The following FER variants were observed in gnomAD, a reference collection of about 807,000 sequenced individuals.
FER encodes the protein tyrosine-protein kinase Fer.
In FER, 63 loss-of-function variants were observed where a neutral mutation model predicts 111.0. That is an observed-to-expected ratio of 0.57 (90% CI 0.46 to 0.70). The LOEUF (loss-of-function observed/expected upper bound fraction) is 0.70, where lower values mean the gene tolerates loss of function less well. FER is among the 30% of genes least tolerant of loss of function. FER has a pLI of 0.00. For missense variants in FER, 914 were observed against 954.0 expected, an observed-to-expected ratio of 0.96 and a Z score of 0.55; for synonymous variants, 327 against 313.9, an observed-to-expected ratio of 1.04 and a Z score of -0.44.
At chr5:109,067,567 AT>A (rs1480414156) in intron 16 of FER, among the ~76,000 whole-genome samples, 1 of 151,688 alleles carries the variant, frequency 6.6e-6, no homozygotes, top group Non-Finnish European at 1.5e-5. Context: ...TCTTGGAGTT[AT>A]TTACATCAGT....
At chr5:108,766,411 T>C (rs537809291) in intron 1 of FER, among the ~76,000 whole-genome samples, 34 of 152,378 alleles carry the variant, frequency 2.2e-4, no homozygotes, top group Middle Eastern at 3.4e-3. Context: ...CCAGGTACTA[T>C]GCAAGTGGCT....
intron 13 of FER, among the ~76,000 whole-genome samples, chr5:109,019,915 G>A (rs889581682): frequency 3.3e-5 from 5 of 151,792 alleles, no homozygotes; most frequent in Non-Finnish European, 5.9e-5. Flanking sequence ...AAATCACCTT[G>A]TAGAAAAAAA....
At chr5:109,082,714 A>G (rs1777131698) in intron 16 of FER, among the ~76,000 whole-genome samples, 1 of 152,038 alleles carries the variant, frequency 6.6e-6, no homozygotes, top group Non-Finnish European at 1.5e-5. Context: ...TACTACCAAA[A>G]TAATTCCATG....
intron 16 of FER, chr5:109,052,080 G>A: frequency 6.2e-7 from 1 of 1,603,190 alleles, no homozygotes. Context: ...TCTGCTTCAA[G>A]TGCATCTCCA....
Position 108,968,019 on chromosome 5 carries a change from C to T in FER, c.1656+8672C>T, listed in dbSNP as rs1257724357. Among the ~76,000 whole-genome samples the T allele has an allele frequency of 2.0e-5, 3 of 152,202 alleles. No homozygotes were observed. In the East Asian group the frequency reaches 5.8e-4, roughly 29 times the overall value. On this transcript the variant is annotated intron_variant, in intron 13 of 19. Transcript: ENST00000281092. The stretch of plus-strand genomic sequence containing the variant: ...TATCACATAGATTGTGGAGAAATCA[C>T]ATAATAATAAAGTTAAGAGAAGATA...
chr5:109,100,268 T>A, intron 16 of FER, 128 bp from the exon 17 acceptor site: 1 of 1,052,928 alleles, frequency 9.5e-7, no homozygotes. Context: ...TCAAACAAAT[T>A]GGGCAAAAAG....
At chr5:108,961,099 T>C (rs1420676876) in intron 13 of FER, among the ~76,000 whole-genome samples, 1 of 148,908 alleles carries the variant, frequency 6.7e-6, no homozygotes, top group Non-Finnish European at 1.5e-5. Flanking sequence ...AAATAAAGTG[T>C]TTTGTATGCT....
chr5:108,993,114 G>A (rs564025618), intron 13 of FER, among the ~76,000 whole-genome samples: 402 of 151,856 alleles, frequency 2.6e-3, no homozygotes, highest in African/African-American at 9.1e-3. Flanking sequence ...AAGCAGAGAG[G>A]CTCCTCACTT....
At chr5:108,882,989 A>G (rs1213698132) in intron 8 of FER, among the ~76,000 whole-genome samples, 2 of 152,102 alleles carry the variant, frequency 1.3e-5, no homozygotes, top group South Asian at 2.1e-4. Flanking sequence ...ATAATACTAT[A>G]TATCTCATAA....
intron 10 of FER, among the ~76,000 whole-genome samples, chr5:108,943,661 A>C (rs1377940009): frequency 6.6e-6 from 1 of 152,130 alleles, no homozygotes; most frequent in Non-Finnish European, 1.5e-5. Context: ...GATAATTTCA[A>C]AACTTGATAG....
intron 16 of FER, among the ~76,000 whole-genome samples, chr5:109,096,403 A>G (rs1290078855): frequency 6.6e-6 from 1 of 151,962 alleles, no homozygotes; most frequent in Non-Finnish European, 1.5e-5. Flanking sequence ...TTATTCAGTT[A>G]ATTGAAAAAC....
chr5:108,754,991 C>G (rs1346455591), intron 1 of FER, among the ~76,000 whole-genome samples: 1 of 152,126 alleles, frequency 6.6e-6, no homozygotes, highest in Admixed American at 6.6e-5. Context: ...GTGGTATTTC[C>G]TGAAACCTTT....
chr5:109,097,136 C>G (rs1747639703), intron 16 of FER, among the ~76,000 whole-genome samples: 1 of 151,574 alleles, frequency 6.6e-6, no homozygotes, highest in Non-Finnish European at 1.5e-5. Context: ...TGTCTGTTTT[C>G]CAGAAGTTTA....
chr5:109,039,803 G>A (rs1397663492), intron 14 of FER, among the ~76,000 whole-genome samples: 1 of 152,084 alleles, frequency 6.6e-6, no homozygotes, highest in Non-Finnish European at 1.5e-5. Flanking sequence ...GTATAACTTT[G>A]GCTTTGATCA....
chr5:109,047,396 C>T (rs1316672967), intron 16 of FER, among the ~76,000 whole-genome samples, 198 bp downstream of exon 16: 1 of 152,112 alleles, frequency 6.6e-6, no homozygotes, highest in African/African-American at 2.4e-5. Flanking sequence ...AAAATGTCAA[C>T]TGCTTTTTTA....
At chr5:109,083,756 C>G (rs570047163) in intron 16 of FER, among the ~76,000 whole-genome samples, 19 of 152,076 alleles carry the variant, frequency 1.2e-4, no homozygotes, top group African/African-American at 4.1e-4. Context: ...AATAATGCCT[C>G]CCTGTATGAC....
chr5:108,881,014 GAT>G (rs1191650531), intron 8 of FER, among the ~76,000 whole-genome samples: 1 of 152,030 alleles, frequency 6.6e-6, no homozygotes, highest in Non-Finnish European at 1.5e-5. Context: ...TTCAAACAAT[GAT>G]ATATATGGAG....
At chr5:108,949,715 C>A (rs993371925) in intron 11 of FER, among the ~76,000 whole-genome samples, 1 of 151,978 alleles carries the variant, frequency 6.6e-6, no homozygotes, top group South Asian at 2.1e-4. Flanking sequence ...TGACATATTG[C>A]AATGATCTGG....
At chr5:108,816,838 C>T (rs1170789295) in intron 3 of FER, among the ~76,000 whole-genome samples, 1 of 151,996 alleles carries the variant, frequency 6.6e-6, no homozygotes, top group Non-Finnish European at 1.5e-5. Flanking sequence ...CATGGTGGCT[C>T]ATGCCTGTAA....
Sources: allele counts gnomAD v4.1 joint callset (sites outside exome capture counted in the v4.1 genomes callset), GRCh38; gene constraint gnomAD v4.1.1; transcripts MANE v1.5; gene names NCBI Gene and HGNC (gene_info 2026-07-23, HGNC 2026-07-21).